Variants in BASP1 observed in about 807,000 individuals in gnomAD.
BASP1 encodes brain acid soluble protein 1.
BASP1 carries 1 observed loss-of-function variant against 2.2 expected under a neutral mutation model. The observed-to-expected ratio is 0.46, with a 90% CI of 0.16 to 2.17. BASP1 has a LOEUF of 2.17. Ranked by LOEUF, BASP1 falls within the 30% of genes most tolerant of loss-of-function variation. The pLI is 0.27. For synonymous variants in BASP1, 187 were observed against 154.2 expected, an observed-to-expected ratio of 1.21 and a Z score of -1.58; for missense variants, 352 against 327.2, an observed-to-expected ratio of 1.08 and a Z score of -0.58.
upstream of BASP1, chr5:17,216,989 C>G (rs1267792671): frequency 2.0e-5 from 3 of 151,414 alleles, no homozygotes; most frequent in Admixed American, 1.3e-4. The surrounding 1 kb of genome is among the most constrained non-coding windows in gnomAD (Gnocchi z 6.4). Flanking sequence ...CACCTCGAGG[C>G]AGCTCCCTAA....
intron 1 of BASP1, among the ~76,000 whole-genome samples, chr5:17,226,078 CAT>C (rs1377466063): frequency 6.6e-6 from 1 of 152,126 alleles, no homozygotes; most frequent in Non-Finnish European, 1.5e-5. Context: ...TTTAAAATGA[CAT>C]ATTGAGGTCA....
intron 1 of BASP1, among the ~76,000 whole-genome samples, chr5:17,250,798 G>A (rs1193963711): frequency 2.0e-5 from 3 of 152,048 alleles, no homozygotes; most frequent in African/African-American, 7.2e-5. Context: ...TAGAGATGGG[G>A]TTTCACTGCG....
intron 1 of BASP1, among the ~76,000 whole-genome samples, chr5:17,243,379 C>A (rs1298124907): frequency 1.3e-5 from 2 of 152,126 alleles, no homozygotes; most frequent in Non-Finnish European, 2.9e-5. Context: ...GTCTCGAAGT[C>A]CTGACCTCAG....
chr5:17,228,852 G>A (rs940447035), intron 1 of BASP1, among the ~76,000 whole-genome samples: 3 of 152,178 alleles, frequency 2.0e-5, no homozygotes, highest in African/African-American at 7.2e-5. Context: ...TCTTCAGTGA[G>A]CTAGCCAGGA....
At chr5:17,231,101 T>G (rs1383701163) in intron 1 of BASP1, among the ~76,000 whole-genome samples, 1 of 152,242 alleles carries the variant, frequency 6.6e-6, no homozygotes, top group East Asian at 1.9e-4. Flanking sequence ...TATAACAACT[T>G]TCACTGAATT....
intron 1 of BASP1, among the ~76,000 whole-genome samples, chr5:17,269,163 G>A (rs1350412685): frequency 1.3e-5 from 2 of 152,136 alleles, no homozygotes; most frequent in African/African-American, 4.8e-5. Context: ...GCTCTTTTAT[G>A]GCCTTCCTAG....
At chr5:17,248,942 A>T (rs1244513546) in intron 1 of BASP1, among the ~76,000 whole-genome samples, 2 of 152,132 alleles carry the variant, frequency 1.3e-5, no homozygotes, top group South Asian at 4.1e-4. Context: ...GCTCCATGTC[A>T]TAGTAACCAT....
rs181228908 is a variant in BASP1, at chr5:17,251,703, C to T, written c.-9-23505C>T. ...ACATAAGCATTGGATGTGAGGGTAG[C>T]GGTGGTGGTGGTGAAAGTTGGTCCA... On this transcript the variant is annotated intron_variant, in intron 1 of 1. Coordinates refer to ENST00000322611, the MANE Select transcript of BASP1 (RefSeq NM_006317.5). This position sits in a 1 kb window ranked among gnomAD's most constrained non-coding sequence, Gnocchi z 4.0. 4.5e-4 allele frequency among the ~76,000 whole-genome samples: 69 copies of T among 152,188 alleles called. No individual in the cohort carries two copies. Among genetic ancestry groups the T allele is most frequent in the Middle Eastern group, 3.4e-3 (1 of 294 alleles).
intron 1 of BASP1, among the ~76,000 whole-genome samples, chr5:17,244,844 A>G (rs1340900653): frequency 6.6e-6 from 1 of 150,972 alleles, no homozygotes; most frequent in Non-Finnish European, 1.5e-5. Context: ...GATGTGCGCC[A>G]CCATGCCCAG....
intron 1 of BASP1, among the ~76,000 whole-genome samples, chr5:17,229,025 A>G (rs1739571759): frequency 6.6e-6 from 1 of 152,116 alleles, no homozygotes; most frequent in Non-Finnish European, 1.5e-5. Context: ...TAAAAAAAAA[A>G]CAAAACTCTT....
intron 1 of BASP1, among the ~76,000 whole-genome samples, chr5:17,266,025 C>T (rs192035768): frequency 2.2e-4 from 34 of 152,300 alleles, no homozygotes; most frequent in Admixed American, 1.4e-3. Flanking sequence ...ACTCCAGTCG[C>T]CACAGCAGTT....
At chr5:17,273,290 A>AT (rs1417000665) in intron 1 of BASP1, among the ~76,000 whole-genome samples, 1 of 151,950 alleles carries the variant, frequency 6.6e-6, no homozygotes, top group Non-Finnish European at 1.5e-5. Flanking sequence ...ATTTAATTGT[A>AT]TTTTTTGCCA....
intron 1 of BASP1, among the ~76,000 whole-genome samples, chr5:17,253,128 G>A (rs529437670): frequency 2.0e-5 from 3 of 150,352 alleles, no homozygotes; most frequent in Admixed American, 6.6e-5. Flanking sequence ...TAATCAATTG[G>A]TTTTTTTTTC....
At chr5:17,231,018 T>C (rs887637962) in intron 1 of BASP1, among the ~76,000 whole-genome samples, 9 of 152,214 alleles carry the variant, frequency 5.9e-5, no homozygotes, top group African/African-American at 2.2e-4. Context: ...GAATTAACAA[T>C]TTAATTTTAC....
Position 17,217,777 on chromosome 5 carries a change from G to A in BASP1, c.-43G>A, listed in dbSNP as rs989925965. The A allele has an allele frequency of 1.2e-3, 182 of 152,606 alleles. 2 individuals carry two copies. The highest frequency in any genetic ancestry group is 1.9e-3 in the Non-Finnish European group (133 of 68,246). The allele number at this position is 152,606 out of a possible 1,614,324, so 9.5% of individuals were successfully genotyped here. A position where few individuals can be genotyped will look rare whatever the true frequency, so the allele number is the denominator to read the frequency against. On this transcript the variant is annotated 5_prime_UTR_variant, in exon 1 of 2. Transcript: ENST00000322611. The stretch of plus-strand genomic sequence containing the variant: ...GACCCCGGCCTCTCGGCGGCACCGC[G>A]CTAACTCAGGGGCTGCATAGGCACC...
At chr5:17,249,520 A>T (rs186661098) in intron 1 of BASP1, among the ~76,000 whole-genome samples, 1 of 152,150 alleles carries the variant, frequency 6.6e-6, no homozygotes, top group Non-Finnish European at 1.5e-5. Context: ...CATTGAGTCA[A>T]TGCTAAGGCA....
At chr5:17,222,005 C>G (rs977730535) in intron 1 of BASP1, among the ~76,000 whole-genome samples, 1 of 151,922 alleles carries the variant, frequency 6.6e-6, no homozygotes, top group African/African-American at 2.4e-5. Flanking sequence ...TTAGTGATAT[C>G]AATTACACTG....
At chr5:17,217,623 G>A (rs1287917072), upstream of BASP1, 1 of 156,680 alleles carries the variant, frequency 6.4e-6, no homozygotes, top group Non-Finnish European at 1.4e-5. Flanking sequence ...AGCGGCGGCG[G>A]CGGCGGCAGT....
At chr5:17,255,939 T>C (rs6889004) in intron 1 of BASP1, among the ~76,000 whole-genome samples, 4,455 of 152,298 alleles carry the variant, frequency 0.029, 201 homozygotes, top group African/African-American at 0.098. Flanking sequence ...GAACTCAAGA[T>C]ACTCACATGA....
Sources: allele counts gnomAD v4.1 joint callset (sites outside exome capture counted in the v4.1 genomes callset), GRCh38; gene constraint gnomAD v4.1.1; non-coding constraint Gnocchi (gnomAD v3.1); transcripts MANE v1.5; gene names NCBI Gene and HGNC (gene_info 2026-07-23, HGNC 2026-07-21).